The following C2CD2 variants were observed in gnomAD, a reference collection of about 807,000 sequenced individuals.
C2CD2 encodes the protein C2 calcium dependent domain containing 2.
Under a neutral mutation model 74.3 loss-of-function variants are expected in C2CD2, and 43 were observed. That is an observed-to-expected ratio of 0.58 (90% confidence interval 0.45 to 0.75). C2CD2 has a LOEUF of 0.75. Among genes scored for constraint, C2CD2 ranks in the 30% least tolerant of loss-of-function variants. The pLI is 0.00. For synonymous variants in C2CD2, 422 were observed against 390.7 expected (o/e 1.08, Z -0.94); for missense variants, 801 against 916.3 (o/e 0.87, Z 1.63).
chr21:41,936,106 T>C (rs1165233156), intron 2 of C2CD2, among the ~76,000 whole-genome samples: 3 of 151,948 alleles, frequency 2.0e-5, no homozygotes, highest in Non-Finnish European at 4.4e-5. Context: ...CAAATGGGAC[T>C]GCACCAAAAC....
At position 41,953,457 on chromosome 21, in the gene C2CD2, G is replaced by A; in HGVS notation, c.192C>T (p.Leu64=). 6.7e-7 allele frequency: 1 copy of A among 1,492,284 alleles called. No homozygotes were observed. The highest frequency in any genetic ancestry group is 8.9e-7 in the Non-Finnish European group (1 of 1,118,060). 92.4% of individuals were successfully genotyped at this position (1,492,284 alleles called of 1,614,324 possible). ...AGCTGCCCAGCGTCAGGATCCAGGA[G>A]AGCAGCGCGTCGGACCCCGGGCGCG... ...EGPRPGSDAL[L]SWILTLGSWR... is the part of the protein sequence containing the mutation. Residue 64 remains leucine, a synonymous_variant, in exon 1 of 14, where the codon CTC becomes CTT. Coordinates refer to ENST00000380486, the MANE Select transcript of C2CD2 (RefSeq NM_015500.2).
At chr21:41,925,448 C>T (rs564689339) in intron 2 of C2CD2, among the ~76,000 whole-genome samples, 181 of 152,274 alleles carry the variant, frequency 1.2e-3, no homozygotes, top group Middle Eastern at 0.01. Flanking sequence ...TGTGCCACTG[C>T]GTTCCAGCAG....
chr21:41,911,507 T>A (rs1036933837), intron 7 of C2CD2, among the ~76,000 whole-genome samples: 4 of 150,504 alleles, frequency 2.7e-5, no homozygotes, highest in Admixed American at 1.3e-4. Flanking sequence ...TTCTCCTGCC[T>A]CGGCTTCCTG....
Position 41,897,698 on chromosome 21 carries a change from G to A in C2CD2, c.1870+1355C>T, listed in dbSNP as rs1448373808. Among the ~76,000 whole-genome samples, 4 of 152,198 alleles carry A rather than the reference G, an allele frequency of 2.6e-5. No individual in the cohort carries two copies. The East Asian group carries it at 5.8e-4, about 22-fold the overall frequency. On this transcript the variant is annotated intron_variant, in intron 13 of 13. Coordinates refer to ENST00000380486, the MANE Select transcript of C2CD2 (RefSeq NM_015500.2). ...CCAACACCTATCACGACTCTGCACT[G>A]GCAAGGAGGGGGGCATGGGAGAGGG...
intron 9 of C2CD2, among the ~76,000 whole-genome samples, 175 bp from the exon 10 acceptor site, chr21:41,907,341 G>A (rs79391937): frequency 0.013 from 1,921 of 152,258 alleles, 25 homozygotes; most frequent in Middle Eastern, 0.031. Context: ...CCAACCTTAC[G>A]CACAGCCAGC....
In C2CD2 at chr21:41,892,023, A is replaced by G. The variant is rs1167026196; in HGVS notation, c.1871-2679T>C. On this transcript the variant is annotated intron_variant, in intron 13 of 13. Transcript: ENST00000380486. This position sits in a 1 kb window ranked among gnomAD's most constrained non-coding sequence, Gnocchi z 4.6. The stretch of plus-strand genomic sequence containing the variant: ...TTCATATGTTACAGTCCTAATCCCC[A>G]GTACTTCACAGAATGTGACCTTATT... 7.3e-6 allele frequency among the ~76,000 whole-genome samples: 1 copy of G among 136,960 alleles called. No individual in the cohort carries two copies. 89.9% of individuals were successfully genotyped at this position (136,960 alleles called of 152,430 possible). A position where few individuals can be genotyped will look rare whatever the true frequency, so the allele number is the denominator to read the frequency against.
Position 41,885,383 on chromosome 21 carries a change from C to T in C2CD2, c.*3741G>A, listed in dbSNP as rs1295836420. On this transcript the variant is annotated 3_prime_UTR_variant, in exon 14 of 14. Transcript: ENST00000380486. ...TAACATTGGTAGAGTAAACAACAAA[C>T]CACAAGCCTAAATGATGAATGGTGC... 6.6e-6 allele frequency: 1 copy of T among 152,634 alleles called. No homozygotes were observed. Among genetic ancestry groups the T allele is most frequent in the Non-Finnish European group, 1.5e-5 (1 of 68,044 alleles). 9.5% of individuals were successfully genotyped at this position (152,634 alleles called of 1,614,324 possible). A position where few individuals can be genotyped will look rare whatever the true frequency, so the allele number is the denominator to read the frequency against.
intron 7 of C2CD2, chr21:41,912,072 T>G: frequency 2.8e-6 from 1 of 356,674 alleles, no homozygotes; most frequent in South Asian, 6.7e-5. Context: ...CTGGATGATA[T>G]GTGTGTCTGT....
At chr21:41,901,380 C>T (rs2064894323) in intron 12 of C2CD2, 2 of 567,706 alleles carry the variant, frequency 3.5e-6, no homozygotes, top group African/African-American at 1.9e-5. Flanking sequence ...ATTTGCCAAC[C>T]TCTCAACGTG....
chr21:41,907,664 G>A lies in C2CD2; in HGVS notation c.1139C>T (p.Ala380Val). ...CGGCGGACAGCCTCGCCCTACCTCT[G>A]CCGTGACCGAGCCCAGCACCGAGCT... ...CGSSVLGSVT[A>V]EFSYMEPGEL... Residue 380 changes from alanine to valine, a missense_variant, in exon 9 of 14, where the codon GCA becomes GTA. By Grantham distance (64) the Ala-to-Val change is moderately conservative. Coordinates refer to ENST00000380486, the MANE Select transcript of C2CD2 (RefSeq NM_015500.2). 3 of 1,611,314 alleles carry A rather than the reference G, an allele frequency of 1.9e-6. No individual in the cohort carries two copies. Among genetic ancestry groups the A allele is most frequent in the Non-Finnish European group, 2.5e-6 (3 of 1,179,544 alleles).
rs753096512 is a variant in C2CD2 at position 41,918,191 on chromosome 21, G to A, written c.634C>T (p.Leu212Phe). The change falls in exon 5 of 14, where the codon CTC becomes TTC. Residue 212 changes from leucine (L) to phenylalanine (F), a missense_variant. Physicochemically the swap from Leu to Phe is conservative, Grantham distance 22. Transcript: ENST00000380486. ...GCCAAATGCTTCAAGATGTCCTTGA[G>A]AACGTCAGACATCGCACTTGTCTCA... is the stretch of plus-strand genomic sequence containing the variant. ...VAETSAMSDVLKDILKHLAGS... is the reference protein window; with the variant it reads ...VAETSAMSDVFKDILKHLAGS... 6.2e-7 allele frequency: 1 copy of A among 1,613,998 alleles called. No homozygotes were observed. Among genetic ancestry groups the A allele is most frequent in the Non-Finnish European group, 8.5e-7 (1 of 1,179,860 alleles).
chr21:41,929,091 T>C lies in C2CD2; in HGVS notation c.379-7006A>G, dbSNP rs938213917. 6.1e-5 allele frequency among the ~76,000 whole-genome samples: 9 copies of C among 148,510 alleles called. No homozygotes were observed. The highest frequency in any genetic ancestry group is 2.3e-4 in the African/African-American group (9 of 39,908). On this transcript the variant is annotated intron_variant, in intron 2 of 13. Transcript: ENST00000380486. The surrounding 1 kb of genome is among the most constrained non-coding windows in gnomAD (Gnocchi z 4.6). ...ATAGTGAGATCCCACCTCTAAAAAATATTTAAAAAGTAAAAAAAAAAAAAA... is the reference window on the plus strand; with the variant it reads ...ATAGTGAGATCCCACCTCTAAAAAACATTTAAAAAGTAAAAAAAAAAAAAA...
Position 41,886,056 on chromosome 21 carries a change from T to C in C2CD2, c.*3068A>G, listed in dbSNP as rs2064680167. Reference sequence around the variant, plus strand: ...ACACACACACACACTTAAAGCTCCATTTCACTCCTCCACAAAGAACAGAGG... The same window carrying C: ...ACACACACACACACTTAAAGCTCCACTTCACTCCTCCACAAAGAACAGAGG... On this transcript the variant is annotated 3_prime_UTR_variant, in exon 14 of 14. Coordinates refer to ENST00000380486, the MANE Select transcript of C2CD2 (RefSeq NM_015500.2). 6.6e-6 allele frequency: 1 copy of C among 152,136 alleles called. No homozygotes were observed. The highest frequency in any genetic ancestry group is 1.5e-5 in the Non-Finnish European group (1 of 68,020). The allele number at this position is 152,136 out of a possible 1,614,324, so 9.4% of individuals were successfully genotyped here. A position where few individuals can be genotyped will look rare whatever the true frequency, so the allele number is the denominator to read the frequency against.
intron 6 of C2CD2, among the ~76,000 whole-genome samples, chr21:41,913,125 T>TA (rs1444598509): frequency 6.6e-6 from 1 of 152,258 alleles, no homozygotes; most frequent in African/African-American, 2.4e-5. Context: ...TGCCAAAGCC[T>TA]AAACATCAGT....
Position 41,888,351 on chromosome 21 carries a change from A to G in C2CD2, c.*773T>C, listed in dbSNP as rs558725272. The G allele has an allele frequency of 6.6e-6, 1 of 152,632 alleles. No homozygotes were observed. The highest frequency in any genetic ancestry group is 2.4e-5 in the African/African-American group (1 of 41,452). The allele number at this position is 152,632 out of a possible 1,614,324, so 9.5% of individuals were successfully genotyped here. On this transcript the variant is annotated 3_prime_UTR_variant, in exon 14 of 14. Coordinates refer to ENST00000380486, the MANE Select transcript of C2CD2 (RefSeq NM_015500.2). Reference sequence around the variant, plus strand: ...GCAGGAAAAAAAACCCTGGATGTCAACTGCTCCACTAGCATTATTAGAGCT... The same window carrying G: ...GCAGGAAAAAAAACCCTGGATGTCAGCTGCTCCACTAGCATTATTAGAGCT...
At chr21:41,917,806 T>C (rs1039638749) in intron 5 of C2CD2, among the ~76,000 whole-genome samples, 7 of 152,098 alleles carry the variant, frequency 4.6e-5, no homozygotes, top group African/African-American at 1.4e-4. Context: ...TCTGGGGCAA[T>C]GTTCTCAACA....
rs117977669 is a variant in C2CD2 at position 41,952,672 on chromosome 21, G to A, written c.279+698C>T. Among the ~76,000 whole-genome samples, 1,293 of 152,378 alleles carry A rather than the reference G, an allele frequency of 8.5e-3. 8 individuals are homozygous for A. The highest frequency in any genetic ancestry group is 0.013 in the Non-Finnish European group (852 of 68,038). On this transcript the variant is annotated intron_variant, in intron 1 of 13. Transcript: ENST00000380486. Reference sequence around the variant, plus strand: ...CTGTGAGGCAGCAGAGGTAAGACACGAGGCCCTTAGCTTGCAGGCCAGGGC... The same window carrying A: ...CTGTGAGGCAGCAGAGGTAAGACACAAGGCCCTTAGCTTGCAGGCCAGGGC...
rs1195796789 is a variant in C2CD2, at chr21:41,886,963, TCCATC to T, written c.*2156_*2160del. 1 of 151,948 alleles carries T rather than the reference TCCATC, an allele frequency of 6.6e-6. No individual in the cohort carries two copies. Among genetic ancestry groups the T allele is most frequent in the East Asian group, 1.9e-4 (1 of 5,176 alleles). 9.4% of individuals were successfully genotyped at this position (151,948 alleles called of 1,614,324 possible). ...TCCAGCCTGGGCAACAGAGTGAAAC[TCCATC>T]TCGAAAAAAAAATTTTTTAAATAAA... On this transcript the variant is annotated 3_prime_UTR_variant, in exon 14 of 14. Coordinates refer to ENST00000380486, the MANE Select transcript of C2CD2 (RefSeq NM_015500.2).
intron 13 of C2CD2, among the ~76,000 whole-genome samples, chr21:41,889,764 C>G (rs1175727885): frequency 2.6e-5 from 4 of 152,082 alleles, no homozygotes; most frequent in Non-Finnish European, 4.4e-5. Flanking sequence ...TCCCAAATAG[C>G]TGGGATTACA....
Sources: gnomAD v4.1 joint callset for allele counts (sites outside exome capture counted in the v4.1 genomes callset) on GRCh38, gnomAD v4.1.1 for gene constraint, Gnocchi (gnomAD v3.1) non-coding constraint, MANE v1.5 for transcripts, NCBI Gene and HGNC (gene_info 2026-07-23, HGNC 2026-07-21) for gene names.